Variants in PRKN observed in about 807,000 individuals in gnomAD.
The protein encoded by PRKN is E3 ubiquitin-protein ligase parkin.
Under a neutral mutation model 59.5 loss-of-function variants are expected in PRKN, and 56 were observed. That is an observed-to-expected ratio of 0.94 (90% CI 0.76 to 1.18). The LOEUF is 1.18. Ranked by LOEUF, PRKN falls within the 50% of genes most tolerant of loss-of-function variation. The pLI is 0.00. For synonymous variants in PRKN, 250 were observed against 222.1 expected (o/e 1.13, Z -1.12); for missense variants, 657 against 596.4 (o/e 1.10, Z -1.06).
At chr6:161,818,130 G>A (rs1382484286) in intron 6 of PRKN, among the ~76,000 whole-genome samples, 1 of 152,110 alleles carries the variant, frequency 6.6e-6, no homozygotes, top group African/African-American at 2.4e-5. Flanking sequence ...AGATTGGGTA[G>A]GGGGAAATGG....
At chr6:161,513,443 T>C (rs1000634362) in intron 9 of PRKN, among the ~76,000 whole-genome samples, 29 of 133,960 alleles carry the variant, frequency 2.2e-4, no homozygotes, top group African/African-American at 7.6e-4. Context: ...GATTTCACCA[T>C]GTTAGCCAGG....
rs1414128307 is a variant in PRKN, at chr6:161,468,310, C to G, written c.1083+80544G>C. ...CTTTAAAACAAAAACAAAAAAAAAA[C>G]AGCCAAACCTAATCTTCAATCTGAA... On this transcript the variant is annotated intron_variant, in intron 9 of 11. Transcript: ENST00000366898. This position sits in a 1 kb window ranked among gnomAD's most constrained non-coding sequence, Gnocchi z 5.9. 1.3e-5 allele frequency among the ~76,000 whole-genome samples: 2 copies of G among 151,550 alleles called. No homozygotes were observed. Among genetic ancestry groups the G allele is most frequent in the African/African-American group, 4.9e-5 (2 of 41,124 alleles).
intron 1 of PRKN, among the ~76,000 whole-genome samples, chr6:162,540,233 T>C (rs1335196342): frequency 6.6e-6 from 1 of 151,950 alleles, no homozygotes; most frequent in African/African-American, 2.4e-5. Flanking sequence ...TTTTATTTTT[T>C]ATTTTTTATT....
chr6:162,534,686 G>T (rs1778647088), intron 1 of PRKN, among the ~76,000 whole-genome samples: 1 of 152,066 alleles, frequency 6.6e-6, no homozygotes, highest in Non-Finnish European at 1.5e-5. Flanking sequence ...CACTCAAGTT[G>T]CCCCTTTCCC....
chr6:162,353,874 A>C (rs1784728613), intron 2 of PRKN, among the ~76,000 whole-genome samples: 1 of 152,198 alleles, frequency 6.6e-6, no homozygotes, highest in African/African-American at 2.4e-5. Flanking sequence ...ATTGGCTAGC[A>C]AAGAATGTAC....
At chr6:161,901,557 C>T (rs1229703583) in intron 6 of PRKN, among the ~76,000 whole-genome samples, 1 of 152,188 alleles carries the variant, frequency 6.6e-6, no homozygotes, top group African/African-American at 2.4e-5. Context: ...TTCCACTCCA[C>T]TCTGCCCATA....
intron 6 of PRKN, among the ~76,000 whole-genome samples, chr6:161,970,482 T>C (rs376600374): frequency 2.0e-5 from 3 of 151,610 alleles, no homozygotes; most frequent in African/African-American, 4.8e-5. Flanking sequence ...AATCAAGATA[T>C]TGCAAAAAAA....
intron 9 of PRKN, among the ~76,000 whole-genome samples, chr6:161,521,148 T>A (rs1778805834): frequency 6.6e-6 from 1 of 152,146 alleles, no homozygotes; most frequent in African/African-American, 2.4e-5. Context: ...GTGTCAGAGT[T>A]GGAGGTGAGT....
rs532272066 is a variant in PRKN, at chr6:161,579,643, G to A, written c.872-10227C>T. On this transcript the variant is annotated intron_variant, in intron 7 of 11. Coordinates refer to ENST00000366898, the MANE Select transcript of PRKN (RefSeq NM_004562.3). The surrounding 1 kb of genome is among the most constrained non-coding windows in gnomAD (Gnocchi z 4.2). ...CAGTATTAAATAAATATAAGTCATC[G>A]GACTTTAGGAATTGATGCAATTCCT... Among the ~76,000 whole-genome samples the A allele has an allele frequency of 1.3e-5, 2 of 152,120 alleles. No individual in the cohort carries two copies. Among genetic ancestry groups the A allele is most frequent in the Admixed American group, 6.5e-5 (1 of 15,288 alleles).
chr6:162,276,015 CA>C (rs1780621595), intron 2 of PRKN, among the ~76,000 whole-genome samples: 2 of 152,028 alleles, frequency 1.3e-5, no homozygotes, highest in Admixed American at 6.6e-5. Flanking sequence ...ATCATTTTGA[CA>C]AATAAAAATG....
intron 1 of PRKN, among the ~76,000 whole-genome samples, chr6:162,561,086 T>G (rs2803067): frequency 6.6e-6 from 1 of 151,852 alleles, no homozygotes. Context: ...CGGGGAGAAA[T>G]CCATGGAGCG....
chr6:162,627,685 C>T (rs935748375), intron 1 of PRKN, among the ~76,000 whole-genome samples: 8 of 151,908 alleles, frequency 5.3e-5, no homozygotes, highest in Admixed American at 2.6e-4. Flanking sequence ...AATGGTGTGG[C>T]GAAACAAATA....
chr6:161,668,030 A>C (rs942575797), intron 7 of PRKN, among the ~76,000 whole-genome samples: 3 of 152,170 alleles, frequency 2.0e-5, no homozygotes, highest in African/African-American at 7.2e-5. Context: ...ATTACATTGG[A>C]ATTCTCTAGA....
At chr6:161,788,108 T>G (rs1436720863) in intron 6 of PRKN, among the ~76,000 whole-genome samples, 3 of 152,220 alleles carry the variant, frequency 2.0e-5, no homozygotes, top group Non-Finnish European at 4.4e-5. Context: ...TCCATTCCTG[T>G]TAGAAGAGTT....
At chr6:161,893,807 T>G (rs1777505269) in intron 6 of PRKN, among the ~76,000 whole-genome samples, 1 of 152,208 alleles carries the variant, frequency 6.6e-6, no homozygotes, top group Non-Finnish European at 1.5e-5. Flanking sequence ...GTCTTTCTTA[T>G]TCTGTTACTC....
intron 8 of PRKN, among the ~76,000 whole-genome samples, chr6:161,564,089 C>G (rs1780549245): frequency 6.6e-6 from 1 of 152,126 alleles, no homozygotes; most frequent in South Asian, 2.1e-4. Flanking sequence ...TTTATTTTAT[C>G]AAGTGATAAC....
chr6:162,052,029 G>C (rs1347965227), intron 5 of PRKN, among the ~76,000 whole-genome samples: 1 of 152,192 alleles, frequency 6.6e-6, no homozygotes, highest in African/African-American at 2.4e-5. Flanking sequence ...AGGAATGACT[G>C]TGTTATTAGA....
intron 4 of PRKN, among the ~76,000 whole-genome samples, chr6:162,180,292 G>A (rs922688612): frequency 6.6e-6 from 1 of 152,012 alleles, no homozygotes; most frequent in Non-Finnish European, 1.5e-5. Flanking sequence ...CTTAAAGAGC[G>A]TAATTGCATT....
chr6:162,318,305 T>A (rs759774516), intron 2 of PRKN, among the ~76,000 whole-genome samples: 1 of 152,104 alleles, frequency 6.6e-6, no homozygotes, highest in African/African-American at 2.4e-5. Flanking sequence ...CAGCAAAAAG[T>A]AAGCCAAATA....
Sources: gnomAD v4.1 joint callset for allele counts (sites outside exome capture counted in the v4.1 genomes callset) on GRCh38, gnomAD v4.1.1 for gene constraint, Gnocchi (gnomAD v3.1) non-coding constraint, MANE v1.5 for transcripts, NCBI Gene and HGNC (gene_info 2026-07-23, HGNC 2026-07-21) for gene names.